The following EXOC4 variants were observed in gnomAD, a reference collection of about 807,000 sequenced individuals.
The protein encoded by EXOC4 is SEC8-like 1.
Under a neutral mutation model 107.2 loss-of-function variants are expected in EXOC4, and 71 were observed. The ratio of observed to expected loss-of-function variants is 0.66; its 90% confidence interval spans 0.55 to 0.81. The LOEUF is 0.81. EXOC4 is among the 30% of genes least tolerant of loss of function. The pLI is 0.00. For missense variants in EXOC4, 1,108 were observed against 1,189.6 expected (o/e 0.93, Z 1.01); for synonymous variants, 456 against 441.2 (o/e 1.03, Z -0.42).
intron 1 of EXOC4, among the ~76,000 whole-genome samples, chr7:133,261,128 C>G (rs1428739423): frequency 6.6e-6 from 1 of 151,858 alleles, no homozygotes; most frequent in Non-Finnish European, 1.5e-5. Flanking sequence ...TTAACTTTTC[C>G]TGTAGCTTTG....
chr7:133,576,991 G>T, intron 9 of EXOC4: 1 of 595,512 alleles, frequency 1.7e-6, no homozygotes, highest in Non-Finnish European at 2.6e-6. Flanking sequence ...CCCGGGGTTG[G>T]ATGTCTGTTT....
chr7:133,482,284 T>G (rs1799175566), intron 9 of EXOC4, among the ~76,000 whole-genome samples: 1 of 152,128 alleles, frequency 6.6e-6, no homozygotes, highest in Non-Finnish European at 1.5e-5. Context: ...CATGCCCACC[T>G]TCCTCCAGTG....
intron 10 of EXOC4, among the ~76,000 whole-genome samples, chr7:133,770,495 G>GTAAACATTGAAAGTAAGCTTT (rs1796223726): frequency 6.6e-6 from 1 of 151,934 alleles, no homozygotes; most frequent in Non-Finnish European, 1.5e-5. Context: ...GGTTTTGTTT[G>GTAAACATTGAAAGTAAGCTTT]TAAACATTGA....
intron 14 of EXOC4, among the ~76,000 whole-genome samples, chr7:133,941,573 C>A (rs892055615): frequency 6.6e-6 from 1 of 152,136 alleles, no homozygotes; most frequent in Non-Finnish European, 1.5e-5. Context: ...CTCCTGACCA[C>A]ACCAAAGGTA....
chr7:133,313,645 T>C (rs967247452), intron 4 of EXOC4, among the ~76,000 whole-genome samples: 2 of 152,226 alleles, frequency 1.3e-5, no homozygotes, highest in African/African-American at 2.4e-5. Flanking sequence ...AGTAGATGTT[T>C]AATAAGCTGT....
chr7:133,695,179 CAT>C (rs1491302673), intron 10 of EXOC4, among the ~76,000 whole-genome samples: 1 of 7,508 alleles, frequency 1.3e-4, no homozygotes, highest in East Asian at 7.1e-3. Context: ...CCATGAGATT[CAT>C]TTTTTTTTTT....
chr7:133,868,450 GAGACCCTCT>G (rs1166434590), intron 11 of EXOC4, among the ~76,000 whole-genome samples: 1 of 152,200 alleles, frequency 6.6e-6, no homozygotes, highest in African/African-American at 2.4e-5. Flanking sequence ...TGCCAGTCCA[GAGACCCTCT>G]ATTTTATTCC....
chr7:133,732,976 C>G (rs1196589360), intron 10 of EXOC4: 2 of 160,546 alleles, frequency 1.2e-5, no homozygotes, highest in African/African-American at 4.8e-5. Flanking sequence ...CTGGTAGGAT[C>G]CATGCCATGA....
At chr7:133,550,895 A>G (rs898273955) in intron 9 of EXOC4, among the ~76,000 whole-genome samples, 1 of 152,100 alleles carries the variant, frequency 6.6e-6, no homozygotes, top group Admixed American at 6.6e-5. Flanking sequence ...GGGAGATTAT[A>G]CTAGATACTC....
chr7:133,278,290 CAT>C (rs1205557743), intron 2 of EXOC4, among the ~76,000 whole-genome samples: 4 of 152,192 alleles, frequency 2.6e-5, no homozygotes, highest in African/African-American at 7.2e-5. Context: ...GTGAAGAAAA[CAT>C]AAACATTTCT....
chr7:133,340,831 T>C (rs993061794), intron 5 of EXOC4, among the ~76,000 whole-genome samples: 2 of 152,136 alleles, frequency 1.3e-5, no homozygotes, highest in Admixed American at 6.5e-5. Context: ...TTCATAGCCT[T>C]GAATGATCTT....
At chr7:133,358,003 C>G (rs760943148) in intron 6 of EXOC4, among the ~76,000 whole-genome samples, 5 of 152,048 alleles carry the variant, frequency 3.3e-5, no homozygotes, top group Admixed American at 6.6e-5. Context: ...GCCTGGCCAA[C>G]ATAGTGAAAC....
intron 7 of EXOC4, among the ~76,000 whole-genome samples, chr7:133,393,005 G>A (rs540641934): frequency 6.6e-6 from 1 of 152,038 alleles, no homozygotes; most frequent in African/African-American, 2.4e-5. Flanking sequence ...AGTTAAATCA[G>A]CCTTTCTTTC....
chr7:133,502,257 C>A (rs776382549), intron 9 of EXOC4, among the ~76,000 whole-genome samples: 4 of 148,516 alleles, frequency 2.7e-5, no homozygotes, highest in Non-Finnish European at 5.9e-5. Flanking sequence ...AACAAAAAAT[C>A]TGAAATGGAA....
intron 9 of EXOC4, among the ~76,000 whole-genome samples, chr7:133,527,896 G>C (rs190487097): frequency 5.8e-4 from 88 of 152,262 alleles, no homozygotes; most frequent in Non-Finnish European, 1.1e-3. Flanking sequence ...TACTGTTCAT[G>C]CTTACTTCCT....
chr7:134,083,923 C>T, the EXOC4 span, among the ~76,000 whole-genome samples: 1 of 152,206 alleles, frequency 6.6e-6, no homozygotes, highest in Admixed American at 6.5e-5. Context: ...TCTCCTTCTG[C>T]TCCTCTACTG....
chr7:133,382,028 T>C (rs1202381823), intron 7 of EXOC4, among the ~76,000 whole-genome samples: 1 of 152,164 alleles, frequency 6.6e-6, no homozygotes, highest in East Asian at 1.9e-4. Flanking sequence ...TTGCTGTAGG[T>C]AATATGGGAA....
chr7:133,502,081 C>T (rs1013040645), intron 9 of EXOC4, among the ~76,000 whole-genome samples: 1 of 152,036 alleles, frequency 6.6e-6, no homozygotes, highest in Non-Finnish European at 1.5e-5. Flanking sequence ...AAATTTCCAG[C>T]TTTTTGATTC....
chr7:133,436,993 G>T (rs1797991298), intron 7 of EXOC4, among the ~76,000 whole-genome samples: 1 of 152,098 alleles, frequency 6.6e-6, no homozygotes. Context: ...GACTATGGAT[G>T]GGTTTGTGTG....
Sources: allele counts gnomAD v4.1 joint callset (sites outside exome capture counted in the v4.1 genomes callset), GRCh38; gene constraint gnomAD v4.1.1; transcripts MANE v1.5; gene names NCBI Gene and HGNC (gene_info 2026-07-23, HGNC 2026-07-21).